PRKCE: variants seen among roughly 807,000 people sequenced by gnomAD.
PRKCE encodes protein kinase C epsilon type.
In PRKCE, 16 loss-of-function variants were observed where a neutral mutation model predicts 85.4. That is an observed-to-expected ratio of 0.19 (90% CI 0.13 to 0.28). PRKCE has a LOEUF of 0.28. Ranked by LOEUF, PRKCE falls within the 10% of genes least tolerant of loss-of-function variation. PRKCE has a pLI of 1.00. For missense variants in PRKCE, 573 were observed against 975.2 expected (o/e 0.59, Z 5.49); for synonymous variants, 388 against 371.5 (o/e 1.04, Z -0.51).
intron 2 of PRKCE, among the ~76,000 whole-genome samples, chr2:45,896,989 G>T (rs1696196283): frequency 2.0e-5 from 3 of 152,098 alleles, no homozygotes; most frequent in Non-Finnish European, 2.9e-5. Flanking sequence ...GAGGTGAAAG[G>T]ATCCCTTGAG....
chr2:45,931,040 A>C (rs1699005697), intron 2 of PRKCE, among the ~76,000 whole-genome samples: 1 of 152,178 alleles, frequency 6.6e-6, no homozygotes, highest in African/African-American at 2.4e-5. Context: ...CTGTAAGGTC[A>C]CTACTGTCCC....
intron 1 of PRKCE, among the ~76,000 whole-genome samples, chr2:45,736,205 C>T (rs1306295744): frequency 2.0e-5 from 3 of 152,162 alleles, no homozygotes; most frequent in Non-Finnish European, 4.4e-5. Context: ...AAGTGATCTA[C>T]CCACCTCTGC....
intron 2 of PRKCE, among the ~76,000 whole-genome samples, chr2:45,879,825 T>A (rs772796612): frequency 2.0e-5 from 3 of 152,258 alleles, no homozygotes; most frequent in Non-Finnish European, 4.4e-5. Context: ...TGTATAGTGA[T>A]CAGATCAGGA....
At chr2:46,029,915 G>C (rs183845897) in intron 10 of PRKCE, among the ~76,000 whole-genome samples, 352 of 152,242 alleles carry the variant, frequency 2.3e-3, no homozygotes, top group African/African-American at 7.9e-3. Context: ...CTCTTCCCAA[G>C]CTGTGTATCT....
intron 10 of PRKCE, among the ~76,000 whole-genome samples, chr2:46,039,687 T>C (rs1004269978): frequency 6.6e-6 from 1 of 152,210 alleles, no homozygotes; most frequent in Non-Finnish European, 1.5e-5. Flanking sequence ...CTCTGGCTAA[T>C]GTCCTCTAAA....
chr2:45,950,616 G>T (rs2104327934), intron 2 of PRKCE, among the ~76,000 whole-genome samples: 1 of 152,246 alleles, frequency 6.6e-6, no homozygotes, highest in South Asian at 2.1e-4. Context: ...GGGATTACAA[G>T]ATGCCTGGTT....
At chr2:45,777,760 C>G (rs776106239) in intron 1 of PRKCE, among the ~76,000 whole-genome samples, 2 of 152,100 alleles carry the variant, frequency 1.3e-5, no homozygotes, top group Non-Finnish European at 2.9e-5. Context: ...CCCCACACTC[C>G]TAATCACAGC....
chr2:45,980,225 C>T (rs1702776151), intron 4 of PRKCE, 71 bp from the exon 5 acceptor site: 1 of 1,486,054 alleles, frequency 6.7e-7, no homozygotes, highest in Non-Finnish European at 9.2e-7. Flanking sequence ...CCACCAAGCC[C>T]TGAATAGATC....
intron 10 of PRKCE, among the ~76,000 whole-genome samples, chr2:46,060,739 C>T (rs1667029751): frequency 6.7e-6 from 1 of 149,774 alleles, no homozygotes. Context: ...ATTTTTTTCT[C>T]TCTCCTTTTT....
chr2:45,728,031 G>A (rs1378430029), intron 1 of PRKCE, among the ~76,000 whole-genome samples: 1 of 152,200 alleles, frequency 6.6e-6, no homozygotes, highest in African/African-American at 2.4e-5. Flanking sequence ...CAGGCTGAGG[G>A]AGATGGTCTC....
intron 10 of PRKCE, among the ~76,000 whole-genome samples, chr2:46,072,364 A>C (rs1286571252): frequency 1.3e-5 from 2 of 152,230 alleles, no homozygotes; most frequent in East Asian, 3.8e-4. Context: ...CGGCTTTATT[A>C]AAGCAGTCAG....
intron 9 of PRKCE, among the ~76,000 whole-genome samples, chr2:46,010,135 C>T (rs1705538362): frequency 6.6e-6 from 1 of 152,132 alleles, no homozygotes; most frequent in Non-Finnish European, 1.5e-5. Context: ...GCTATGTTGC[C>T]CATGCTGATC....
rs537606890 is a variant in PRKCE, at chr2:45,725,178, C to G, written c.348+72730C>G. The stretch of plus-strand genomic sequence containing the variant: ...TAAGAATTATGCTGATTCTATTCTG[C>G]TCGTGCTCTGTCAATGGAATAACAA... On this transcript the variant is annotated intron_variant, in intron 1 of 14. Coordinates refer to ENST00000306156, the MANE Select transcript of PRKCE (RefSeq NM_005400.3). Among the ~76,000 whole-genome samples, 15 of 152,350 alleles carry G rather than the reference C, an allele frequency of 9.8e-5. No individual in the cohort carries two copies. In the South Asian group the frequency reaches 3.1e-3, roughly 32 times the overall value.
intron 1 of PRKCE, among the ~76,000 whole-genome samples, chr2:45,706,290 A>G (rs1165928867): frequency 1.3e-5 from 2 of 152,148 alleles, no homozygotes; most frequent in Non-Finnish European, 2.9e-5. Flanking sequence ...TGCCTTAGAC[A>G]CTCAATGGAA....
At chr2:46,042,296 G>A (rs1170965705) in intron 10 of PRKCE, among the ~76,000 whole-genome samples, 2 of 152,154 alleles carry the variant, frequency 1.3e-5, no homozygotes, top group South Asian at 2.1e-4. Flanking sequence ...TTCCCCCAGC[G>A]TCCTAGTCTC....
At chr2:46,150,123 T>C (rs1676471435) in intron 12 of PRKCE, among the ~76,000 whole-genome samples, 2 of 152,188 alleles carry the variant, frequency 1.3e-5, no homozygotes, top group South Asian at 4.1e-4. Flanking sequence ...GTGCTAGGAT[T>C]ACAGGTGTGA....
chr2:46,112,381 C>T (rs1208952281), intron 11 of PRKCE, among the ~76,000 whole-genome samples: 1 of 152,050 alleles, frequency 6.6e-6, no homozygotes, highest in Non-Finnish European at 1.5e-5. Context: ...TTTGTTTTAT[C>T]CACTCCATCT....
intron 11 of PRKCE, among the ~76,000 whole-genome samples, chr2:46,132,055 C>A (rs557220893): frequency 2.6e-5 from 4 of 152,080 alleles, no homozygotes; most frequent in Admixed American, 2.6e-4. Flanking sequence ...AGTAAGGGCA[C>A]GTGACTTTAT....
intron 10 of PRKCE, among the ~76,000 whole-genome samples, chr2:46,039,296 T>C (rs774788186): frequency 2.0e-5 from 3 of 152,244 alleles, no homozygotes; most frequent in Non-Finnish European, 4.4e-5. Context: ...CCAGTTTCTC[T>C]GTCTCTCTCA....
Sources: gnomAD v4.1 joint callset for allele counts (sites outside exome capture counted in the v4.1 genomes callset) on GRCh38, gnomAD v4.1.1 for gene constraint, MANE v1.5 for transcripts, NCBI Gene and HGNC (gene_info 2026-07-23, HGNC 2026-07-21) for gene names.